DOCK3: variants seen among roughly 807,000 people sequenced by gnomAD.
DOCK3 encodes the protein dedicator of cytokinesis 3.
In DOCK3, 60 loss-of-function variants were observed where a neutral mutation model predicts 265.6. The observed-to-expected ratio is 0.23, with a 90% confidence interval of 0.18 to 0.28. DOCK3 has a LOEUF of 0.28. Among genes scored for constraint, DOCK3 ranks in the 10% least tolerant of loss-of-function variants. The probability of loss-of-function intolerance (pLI) is 1.00; values close to 1 mark genes in which losing one functional copy is unlikely to be tolerated. For synonymous variants in DOCK3, 881 were observed against 938.0 expected (o/e 0.94, Z 1.11); for missense variants, 1,981 against 2,594.3 (o/e 0.76, Z 5.14).
rs151311161 is a variant in DOCK3 at position 51,047,322 on chromosome 3, G to A, written c.316-17126G>A. 4.4e-3 allele frequency among the ~76,000 whole-genome samples: 673 copies of A among 151,476 alleles called. 2 individuals are homozygous for A. The highest frequency in any genetic ancestry group is 7.3e-3 in the Non-Finnish European group (498 of 67,878). On this transcript the variant is annotated intron_variant, in intron 5 of 52. Transcript: ENST00000266037. The stretch of plus-strand genomic sequence containing the variant: ...CCTAATGTAAATGATGAGTTAATGG[G>A]TGCAGCACACCAACATGGCACATGT...
At chr3:51,350,069 G>A (rs373084291) in intron 39 of DOCK3, among the ~76,000 whole-genome samples, 5 of 152,170 alleles carry the variant, frequency 3.3e-5, no homozygotes, top group Non-Finnish European at 5.9e-5. Context: ...GGGCAGGCCT[G>A]TCCCCATCCC....
chr3:50,995,696 A>G (rs771607285), intron 5 of DOCK3, among the ~76,000 whole-genome samples: 5 of 152,168 alleles, frequency 3.3e-5, no homozygotes, highest in Non-Finnish European at 5.9e-5. Flanking sequence ...ACAGTTCAGG[A>G]GGTGTGGTCA....
At chr3:51,319,119 G>A (rs1371020643) in intron 32 of DOCK3, among the ~76,000 whole-genome samples, 1 of 152,070 alleles carries the variant, frequency 6.6e-6, no homozygotes, top group Non-Finnish European at 1.5e-5. Flanking sequence ...TTTGTTCTTA[G>A]GAGAAAGTAT....
intron 5 of DOCK3, among the ~76,000 whole-genome samples, chr3:50,977,882 A>C (rs2077522781): frequency 6.6e-6 from 1 of 151,244 alleles, no homozygotes; most frequent in Admixed American, 6.6e-5. Context: ...TTCTCGCTTC[A>C]TTTCATTCAT....
At chr3:51,197,737 G>T (rs1224984600) in intron 12 of DOCK3, among the ~76,000 whole-genome samples, 2 of 152,106 alleles carry the variant, frequency 1.3e-5, no homozygotes, top group Admixed American at 6.5e-5. Flanking sequence ...CAGGTGAGGG[G>T]TGTTAGCAGC....
intron 12 of DOCK3, among the ~76,000 whole-genome samples, chr3:51,183,431 G>T (rs540318061): frequency 3.4e-4 from 51 of 152,130 alleles, no homozygotes; most frequent in African/African-American, 1.2e-3. Context: ...GGGGTGGGGG[G>T]AAGAGTGAGA....
intron 3 of DOCK3, among the ~76,000 whole-genome samples, chr3:50,860,437 A>G (rs1166450629): frequency 6.6e-6 from 1 of 152,152 alleles, no homozygotes; most frequent in East Asian, 1.9e-4. Context: ...AGATATGGGA[A>G]CAGGTACTCA....
chr3:50,878,758 A>G (rs555604470), intron 3 of DOCK3, among the ~76,000 whole-genome samples: 4 of 152,306 alleles, frequency 2.6e-5, no homozygotes, highest in South Asian at 4.1e-4. Flanking sequence ...CCAACATTCA[A>G]ATTCAGGAAA....
At chr3:50,724,078 C>T (rs192035630) in intron 1 of DOCK3, among the ~76,000 whole-genome samples, 2 of 152,290 alleles carry the variant, frequency 1.3e-5, no homozygotes, top group Non-Finnish European at 2.9e-5. Flanking sequence ...ATGTAGCCAA[C>T]AAACTTATGA....
intron 35 of DOCK3, among the ~76,000 whole-genome samples, chr3:51,334,951 C>T (rs1164310387): frequency 6.6e-6 from 1 of 152,130 alleles, no homozygotes; most frequent in Non-Finnish European, 1.5e-5. Flanking sequence ...TTTAATATGG[C>T]ATCACTGGCC....
chr3:51,050,846 ATC>A (rs2080968536), intron 5 of DOCK3, among the ~76,000 whole-genome samples: 1 of 152,240 alleles, frequency 6.6e-6, no homozygotes, highest in South Asian at 2.1e-4. Context: ...ATATTTGTGC[ATC>A]CCTTAGCCCA....
At position 51,271,002 on chromosome 3, in the gene DOCK3, T is replaced by C. The variant is rs2080464137; in HGVS notation, c.2543T>C (p.Phe848Ser). 6.2e-7 allele frequency: 1 copy of C among 1,611,930 alleles called. No homozygotes were observed. Among genetic ancestry groups the C allele is most frequent in the Non-Finnish European group, 8.5e-7 (1 of 1,179,208 alleles). The change falls in exon 24 of 53, where the codon TTC becomes TCC. Residue 848 changes from phenylalanine to serine, a missense_variant. Transcript: ENST00000266037. The part of the protein sequence containing the change: ...ARTVDSRLFS[F>S]SESRRILLPV... ...ACAGTGGATAGCCGCCTGTTTTCTT[T>C]CTCAGGTAAATCAAGTTGGGATGAG... is the stretch of plus-strand genomic sequence containing the variant.
At chr3:51,121,015 G>GA (rs2083991337) in intron 9 of DOCK3, among the ~76,000 whole-genome samples, 1 of 151,962 alleles carries the variant, frequency 6.6e-6, no homozygotes, top group Non-Finnish European at 1.5e-5. Flanking sequence ...CTGGGGTATG[G>GA]AAAAAAACAA....
At chr3:50,900,114 A>G (rs1004978205) in intron 4 of DOCK3, among the ~76,000 whole-genome samples, 6 of 152,130 alleles carry the variant, frequency 3.9e-5, no homozygotes, top group African/African-American at 1.4e-4. Flanking sequence ...AGGTACACCA[A>G]TCAAATGTAG....
intron 4 of DOCK3, among the ~76,000 whole-genome samples, chr3:50,905,248 C>G (rs2107847881): frequency 6.6e-6 from 1 of 152,176 alleles, no homozygotes; most frequent in East Asian, 1.9e-4. Context: ...AATGTGGGCC[C>G]TTTTTTGGTT....
intron 9 of DOCK3, among the ~76,000 whole-genome samples, chr3:51,090,817 G>A (rs1336904378): frequency 6.6e-6 from 1 of 152,192 alleles, no homozygotes; most frequent in African/African-American, 2.4e-5. Context: ...TGTCTGGGCA[G>A]CCCATGAAAG....
chr3:51,329,373 A>G (rs1307758496), intron 32 of DOCK3, among the ~76,000 whole-genome samples: 3 of 152,198 alleles, frequency 2.0e-5, no homozygotes, highest in Non-Finnish European at 4.4e-5. Context: ...TGGCACAGGT[A>G]CCAATCAATC....
chr3:51,181,952 G>A (rs1427386009), intron 12 of DOCK3, among the ~76,000 whole-genome samples: 1 of 152,118 alleles, frequency 6.6e-6, no homozygotes, highest in Non-Finnish European at 1.5e-5. Flanking sequence ...GCTGGTGTGA[G>A]GACAGGACTT....
intron 49 of DOCK3, among the ~76,000 whole-genome samples, chr3:51,364,497 C>T (rs962945640): frequency 6.6e-6 from 1 of 152,140 alleles, no homozygotes; most frequent in African/African-American, 2.4e-5. Context: ...GTTTAGATCC[C>T]ATTTGTCAAT....
Sources: allele counts gnomAD v4.1 joint callset (sites outside exome capture counted in the v4.1 genomes callset), GRCh38; gene constraint gnomAD v4.1.1; transcripts MANE v1.5; gene names NCBI Gene and HGNC (gene_info 2026-07-23, HGNC 2026-07-21).